The following KIAA1217 variants were observed in gnomAD, a reference collection of about 807,000 sequenced individuals.
KIAA1217 encodes the protein KIAA1217.
A neutral mutation model predicts 163.9 loss-of-function variants in KIAA1217; 88 were observed. The ratio of observed to expected loss-of-function variants is 0.54; its 90% CI spans 0.45 to 0.64. The LOEUF is 0.64. Among genes scored for constraint, KIAA1217 ranks in the 30% least tolerant of loss-of-function variants. The probability of loss-of-function intolerance (pLI) is 0.00; values close to 1 mark genes in which losing one functional copy is unlikely to be tolerated. For synonymous variants in KIAA1217, 903 were observed against 923.1 expected, an observed-to-expected ratio of 0.98 and a Z score of 0.39; for missense variants, 2,372 against 2,475.0, an observed-to-expected ratio of 0.96 and a Z score of 0.88.
chr10:24,116,815 C>T (rs2063072575), intron 2 of KIAA1217, among the ~76,000 whole-genome samples: 1 of 152,158 alleles, frequency 6.6e-6, no homozygotes, highest in Non-Finnish European at 1.5e-5. Context: ...CAAAAATTAA[C>T]TCTTGCACCA....
intron 5 of KIAA1217, among the ~76,000 whole-genome samples, chr10:24,451,984 C>T (rs1346099148): frequency 6.6e-6 from 1 of 152,184 alleles, no homozygotes; most frequent in Non-Finnish European, 1.5e-5. Context: ...AGACCCTACT[C>T]TATAGAGGGC....
intron 2 of KIAA1217, among the ~76,000 whole-genome samples, chr10:24,284,615 A>G (rs750949674): frequency 1.1e-4 from 17 of 152,214 alleles, no homozygotes; most frequent in Non-Finnish European, 2.1e-4. Flanking sequence ...CATTTTCTCT[A>G]TCCATTCCAC....
chr10:24,282,774 C>G (rs1396800217), intron 2 of KIAA1217, among the ~76,000 whole-genome samples: 1 of 148,200 alleles, frequency 6.7e-6, no homozygotes, highest in African/African-American at 2.5e-5. Context: ...AACCATCTCT[C>G]TAAGGAGTTC....
At position 23,788,813 on chromosome 10, in the gene KIAA1217, G is replaced by A. The variant is rs558071176; in HGVS notation, c.-321+93579G>A. ...CAAGGACATAACACAAAACACTCAC[G>A]TTATACTCTTTCAAACTGAAACGCT... On this transcript the variant is annotated intron_variant, in intron 1 of 18. Transcript: ENST00000376462. 3.3e-5 allele frequency among the ~76,000 whole-genome samples: 5 copies of A among 152,260 alleles called. No individual in the cohort carries two copies. In the East Asian group the frequency reaches 5.8e-4, roughly 18 times the overall value.
In KIAA1217 at chr10:23,764,756, G is replaced by A. The variant is rs565867355; in HGVS notation, c.-321+69522G>A. Among the ~76,000 whole-genome samples the A allele has an allele frequency of 3.5e-4, 53 of 152,230 alleles. 3 individuals carry two copies. The Middle Eastern group carries it at 0.014, about 39-fold the overall frequency. ...GGGAGTTGAACAGTGAGAACACATG[G>A]GCACAGGGAGGGGAACATCACACAC... On this transcript the variant is annotated intron_variant, in intron 1 of 18. Transcript: ENST00000376462.
At chr10:23,767,896 G>C (rs57641002) in intron 1 of KIAA1217, among the ~76,000 whole-genome samples, 1 of 152,144 alleles carries the variant, frequency 6.6e-6, no homozygotes, top group Non-Finnish European at 1.5e-5. Context: ...TCCAAGTAGG[G>C]CTTTCTCCTT....
chr10:24,228,970 T>A (rs1350708704), intron 2 of KIAA1217, among the ~76,000 whole-genome samples: 1 of 152,226 alleles, frequency 6.6e-6, no homozygotes, highest in Non-Finnish European at 1.5e-5. Flanking sequence ...ATTGCAGAAC[T>A]CCAGCATGGA....
intron 1 of KIAA1217, among the ~76,000 whole-genome samples, chr10:23,802,302 T>G (rs763496283): frequency 4.6e-5 from 7 of 152,172 alleles, no homozygotes; most frequent in African/African-American, 9.7e-5. Context: ...TTCCAACACA[T>G]GATGAAAGAG....
At position 23,771,101 on chromosome 10, in the gene KIAA1217, A is replaced by C. The variant is rs149857617; in HGVS notation, c.-321+75867A>C. Among the ~76,000 whole-genome samples the C allele has an allele frequency of 3.3e-5, 5 of 152,302 alleles. No homozygotes were observed. In the East Asian group the frequency reaches 9.6e-4, roughly 29 times the overall value. The stretch of plus-strand genomic sequence containing the variant: ...TATTGCAATGATGCCACCAAGAATG[A>C]TTATGACATGGTTCATGTGCCACTG... On this transcript the variant is annotated intron_variant, in intron 1 of 18. Coordinates refer to the KIAA1217 transcript ENST00000376462.
At chr10:23,827,182 A>G (rs1837934996) in intron 1 of KIAA1217, among the ~76,000 whole-genome samples, 1 of 152,168 alleles carries the variant, frequency 6.6e-6, no homozygotes, top group African/African-American at 2.4e-5. Context: ...CCTGCCACAC[A>G]TGCTTCATCC....
chr10:23,886,389 C>G (rs1436133561), intron 1 of KIAA1217, among the ~76,000 whole-genome samples: 2 of 151,898 alleles, frequency 1.3e-5, no homozygotes, highest in South Asian at 2.1e-4. Flanking sequence ...TAGTCAGTTG[C>G]CTTTTAGTCA....
At chr10:24,380,722 T>C (rs2053187882) in intron 2 of KIAA1217, 147 bp from the exon 3 acceptor site, 1 of 459,674 alleles carries the variant, frequency 2.2e-6, no homozygotes, top group Non-Finnish European at 3.7e-6. Context: ...ACCCACTGGG[T>C]CTTTAGTTTT....
chr10:24,099,626 C>T (rs2062320880), intron 2 of KIAA1217, among the ~76,000 whole-genome samples: 1 of 147,092 alleles, frequency 6.8e-6, no homozygotes, highest in Non-Finnish European at 1.5e-5. Flanking sequence ...TTCTAGGGTA[C>T]ATGTGCACAA....
At chr10:24,332,986 A>C (rs981616112) in intron 2 of KIAA1217, among the ~76,000 whole-genome samples, 2 of 152,122 alleles carry the variant, frequency 1.3e-5, no homozygotes, top group African/African-American at 4.8e-5. Context: ...GTCACGTGAA[A>C]GGTAGAAGGG....
intron 1 of KIAA1217, among the ~76,000 whole-genome samples, chr10:23,708,772 C>CA (rs939016316): frequency 1.2e-4 from 19 of 152,014 alleles, no homozygotes; most frequent in African/African-American, 4.6e-4. Context: ...GGGACTAATG[C>CA]AAAAAACATA....
intron 2 of KIAA1217, among the ~76,000 whole-genome samples, chr10:24,327,948 C>T (rs2045143406): frequency 6.6e-6 from 1 of 152,136 alleles, no homozygotes; most frequent in Admixed American, 6.5e-5. Context: ...TCTGGGTCAC[C>T]TCCTATATGC....
intron 1 of KIAA1217, among the ~76,000 whole-genome samples, chr10:23,779,243 C>G (rs1434219473): frequency 6.6e-6 from 1 of 152,156 alleles, no homozygotes; most frequent in African/African-American, 2.4e-5. Context: ...CTTACAGAGG[C>G]AGGTCAGAAA....
chr10:23,770,928 C>T (rs1049499681), intron 1 of KIAA1217, among the ~76,000 whole-genome samples: 2 of 152,092 alleles, frequency 1.3e-5, no homozygotes, highest in African/African-American at 4.8e-5. Context: ...GAGGTACTCC[C>T]TTAATGTGAC....
chr10:23,851,903 C>T (rs1268446259), intron 1 of KIAA1217, among the ~76,000 whole-genome samples: 2 of 151,838 alleles, frequency 1.3e-5, no homozygotes, highest in Non-Finnish European at 2.9e-5. Context: ...ATTGTAGATT[C>T]TGGATATTAG....
Sources: gnomAD v4.1 joint callset for allele counts (sites outside exome capture counted in the v4.1 genomes callset) on GRCh38, gnomAD v4.1.1 for gene constraint, MANE v1.5 for transcripts, NCBI Gene and HGNC (gene_info 2026-07-23, HGNC 2026-07-21) for gene names.